Variants in LRRC8D observed in about 807,000 individuals in gnomAD.
The protein encoded by LRRC8D is leucine rich repeat containing 8 VRAC subunit D.
In LRRC8D, 20 loss-of-function variants were observed where a neutral mutation model predicts 55.8. The ratio of observed to expected loss-of-function variants is 0.36; its 90% confidence interval spans 0.25 to 0.52. The LOEUF (loss-of-function observed/expected upper bound fraction) is 0.52, where lower values mean the gene tolerates loss of function less well. Ranked by LOEUF, LRRC8D falls within the 20% of genes least tolerant of loss-of-function variation. The probability of loss-of-function intolerance (pLI) is 0.93; values close to 1 mark genes in which losing one functional copy is unlikely to be tolerated. For synonymous variants in LRRC8D, 352 were observed against 377.0 expected, an observed-to-expected ratio of 0.93 and a Z score of 0.77; for missense variants, 651 against 1,030.8, an observed-to-expected ratio of 0.63 and a Z score of 5.05.
chr1:89,886,357 C>A (rs1481945147), intron 2 of LRRC8D, among the ~76,000 whole-genome samples: 2 of 151,994 alleles, frequency 1.3e-5, no homozygotes, highest in East Asian at 3.9e-4. Context: ...TTTTCTTTTA[C>A]CTCCAAGTTT....
intron 2 of LRRC8D, among the ~76,000 whole-genome samples, chr1:89,927,746 T>A (rs910792143): frequency 1.3e-5 from 2 of 152,238 alleles, no homozygotes; most frequent in Non-Finnish European, 2.9e-5. Context: ...GTGGATTTTA[T>A]AATTTCATAC....
At chr1:89,833,234 C>T (rs913119482) in intron 1 of LRRC8D, among the ~76,000 whole-genome samples, 9 of 152,190 alleles carry the variant, frequency 5.9e-5, no homozygotes, top group Admixed American at 5.9e-4. Flanking sequence ...CTGATACTGC[C>T]TCCCCAAACC....
rs78449685 is a variant in LRRC8D, at chr1:89,849,170, A to T, written c.-3+5388A>T. Among the ~76,000 whole-genome samples, 475 of 152,360 alleles carry T rather than the reference A, an allele frequency of 3.1e-3. 1 individual carries two copies. Among genetic ancestry groups the T allele is most frequent in the African/African-American group, 0.01 (434 of 41,576 alleles). ...AACTAGACTATGTAAAGAAATGATC[A>T]TGGTTTGTTTAGTCTTACCTACCCT... On this transcript the variant is annotated intron_variant, in intron 2 of 2. Coordinates refer to ENST00000337338, the MANE Select transcript of LRRC8D (RefSeq NM_001134479.2).
chr1:89,890,156 C>T (rs972518695), intron 2 of LRRC8D, among the ~76,000 whole-genome samples: 1 of 152,182 alleles, frequency 6.6e-6, no homozygotes, highest in African/African-American at 2.4e-5. Flanking sequence ...CCACTGCTCT[C>T]TAGCCTGGGC....
chr1:89,833,647 G>A (rs1660936546), intron 1 of LRRC8D: 1 of 152,168 alleles, frequency 6.6e-6, no homozygotes, highest in Non-Finnish European at 1.5e-5. Context: ...CACTAGGATT[G>A]GTTTGGTGAG....
At position 89,843,491 on chromosome 1, in the gene LRRC8D, C is replaced by T. The variant is rs1269793639; in HGVS notation, c.-147-147C>T. The T allele has an allele frequency of 1.7e-5, 8 of 462,974 alleles. No individual in the cohort carries two copies. In the South Asian group the frequency reaches 1.8e-4, roughly 10 times the overall value. 28.7% of individuals were successfully genotyped at this position (462,974 alleles called of 1,614,324 possible). A position where few individuals can be genotyped will look rare whatever the true frequency, so the allele number is the denominator to read the frequency against. On this transcript the variant is annotated intron_variant, in intron 1 of 2. Transcript: ENST00000337338. ...GGCAGCCGGTGCGGCGGGGTCGCCA[C>T]GGCCAGGGGAGCGCTGGGTGCCCAC... is the stretch of plus-strand genomic sequence containing the variant.
Position 89,898,497 on chromosome 1 carries a change from T to G in LRRC8D, c.-2-34570T>G, listed in dbSNP as rs193083719. Among the ~76,000 whole-genome samples, 13 of 152,312 alleles carry G rather than the reference T, an allele frequency of 8.5e-5. No homozygotes were observed. The East Asian group carries it at 2.5e-3, about 29-fold the overall frequency. On this transcript the variant is annotated intron_variant, in intron 2 of 2. Coordinates refer to ENST00000337338, the MANE Select transcript of LRRC8D (RefSeq NM_001134479.2). ...AAGAGCTCATTTGCTGTGGATCACA[T>G]AGCTAGTAAATGGATTCACACCCAG...
At chr1:89,889,044 A>C (rs1315417467) in intron 2 of LRRC8D, among the ~76,000 whole-genome samples, 2 of 152,100 alleles carry the variant, frequency 1.3e-5, no homozygotes, top group Non-Finnish European at 1.5e-5. Flanking sequence ...TCCAAAGAGC[A>C]ATGTGGGAAG....
chr1:89,915,677 T>C lies in LRRC8D; in HGVS notation c.-2-17390T>C, dbSNP rs200825158. 2.0e-4 allele frequency among the ~76,000 whole-genome samples: 30 copies of C among 152,338 alleles called. No homozygotes were observed. The East Asian group carries it at 3.3e-3, about 17-fold the overall frequency. ...CCCCAGGGCATATATAAATGTCCTT[T>C]CCTCTGTGGGCCATAAAGTGAAACA... On this transcript the variant is annotated intron_variant, in intron 2 of 2. Coordinates refer to ENST00000337338, the MANE Select transcript of LRRC8D (RefSeq NM_001134479.2).
chr1:89,884,760 G>T (rs532439687), intron 2 of LRRC8D, among the ~76,000 whole-genome samples: 1 of 152,130 alleles, frequency 6.6e-6, no homozygotes, highest in African/African-American at 2.4e-5. Flanking sequence ...ACTCAGATAC[G>T]CTTGGAACCA....
intron 2 of LRRC8D, among the ~76,000 whole-genome samples, chr1:89,883,380 T>C (rs1371121086): frequency 6.6e-6 from 1 of 152,148 alleles, no homozygotes; most frequent in Non-Finnish European, 1.5e-5. Context: ...TGGATTAAAA[T>C]AGGATTTTAT....
At chr1:89,908,055 C>T (rs1298725587) in intron 2 of LRRC8D, among the ~76,000 whole-genome samples, 2 of 152,078 alleles carry the variant, frequency 1.3e-5, no homozygotes, top group African/African-American at 4.8e-5. Flanking sequence ...CACAACTTTC[C>T]CATTATGTTC....
intron 1 of LRRC8D, among the ~76,000 whole-genome samples, chr1:89,831,150 C>T (rs1310577048): frequency 1.3e-5 from 2 of 152,124 alleles, no homozygotes; most frequent in African/African-American, 4.8e-5. Context: ...ATGTAATCTG[C>T]CTGCCTCAGC....
chr1:89,838,538 C>T (rs1661057516), intron 1 of LRRC8D, among the ~76,000 whole-genome samples: 1 of 152,166 alleles, frequency 6.6e-6, no homozygotes, highest in Non-Finnish European at 1.5e-5. Context: ...TCAAAATCAA[C>T]AGTCATTAAA....
At chr1:89,838,385 A>AT (rs138136200) in intron 1 of LRRC8D, among the ~76,000 whole-genome samples, 2,943 of 152,262 alleles carry the variant, frequency 0.019, 100 homozygotes, top group African/African-American at 0.067. Context: ...AAAAATAAAA[A>AT]TAAGATAAAT....
At chr1:89,871,045 G>A (rs767989402) in intron 2 of LRRC8D, among the ~76,000 whole-genome samples, 2 of 152,186 alleles carry the variant, frequency 1.3e-5, no homozygotes, top group Non-Finnish European at 2.9e-5. Context: ...GTGGTAGATG[G>A]TGAAGTTACT....
At chr1:89,907,768 A>G (rs1416003732) in intron 2 of LRRC8D, among the ~76,000 whole-genome samples, 1 of 152,166 alleles carries the variant, frequency 6.6e-6, no homozygotes, top group Non-Finnish European at 1.5e-5. Flanking sequence ...CTGTTTTGTA[A>G]TTAATGTGTT....
At chr1:89,875,228 G>A (rs1662118083) in intron 2 of LRRC8D, among the ~76,000 whole-genome samples, 2 of 152,086 alleles carry the variant, frequency 1.3e-5, no homozygotes, top group Admixed American at 6.6e-5. Context: ...CATGGGAGAA[G>A]TTTACTAGAT....
At chr1:89,839,656 A>G (rs1661085266) in intron 1 of LRRC8D, among the ~76,000 whole-genome samples, 1 of 152,148 alleles carries the variant, frequency 6.6e-6, no homozygotes, top group African/African-American at 2.4e-5. Context: ...GGTTTTGCAG[A>G]GACCAGGAAG....
Sources: gnomAD v4.1 joint callset for allele counts (sites outside exome capture counted in the v4.1 genomes callset) on GRCh38, gnomAD v4.1.1 for gene constraint, MANE v1.5 for transcripts, NCBI Gene and HGNC (gene_info 2026-07-23, HGNC 2026-07-21) for gene names.